Variants in MDGA2 observed in about 807,000 individuals in gnomAD.
MDGA2 encodes the protein MAM domain-containing glycosylphosphatidylinositol anchor protein 2.
In MDGA2, 40 loss-of-function variants were observed where a neutral mutation model predicts 117.8. The ratio of observed to expected loss-of-function variants is 0.34; its 90% CI spans 0.26 to 0.44. The LOEUF is 0.44. MDGA2 is among the 20% of genes least tolerant of loss of function. MDGA2 has a pLI of 1.00. For missense variants in MDGA2, 1,123 were observed against 1,250.6 expected (o/e 0.90, Z 1.54); for synonymous variants, 452 against 439.0 (o/e 1.03, Z -0.37).
chr14:47,084,627 T>C (rs1315900323), intron 6 of MDGA2, among the ~76,000 whole-genome samples: 3 of 152,082 alleles, frequency 2.0e-5, no homozygotes. Context: ...CCCTAACCCA[T>C]TTGTGATAGT....
At chr14:46,865,256 C>T (rs1275457127) in intron 14 of MDGA2, among the ~76,000 whole-genome samples, 1 of 151,750 alleles carries the variant, frequency 6.6e-6, no homozygotes, top group East Asian at 1.9e-4. Context: ...TGTTAGAAAG[C>T]ATTAATCCAT....
intron 1 of MDGA2, among the ~76,000 whole-genome samples, chr14:47,454,275 G>C (rs1455425612): frequency 6.6e-6 from 1 of 152,114 alleles, no homozygotes; most frequent in Non-Finnish European, 1.5e-5. Flanking sequence ...TCTTGTGACA[G>C]ACTTTCTCTT....
intron 6 of MDGA2, among the ~76,000 whole-genome samples, chr14:47,091,806 C>A (rs919525569): frequency 2.0e-5 from 3 of 152,056 alleles, no homozygotes; most frequent in Admixed American, 2.0e-4. Flanking sequence ...CAAGCTCCGT[C>A]CCATTTCCCG....
intron 1 of MDGA2, among the ~76,000 whole-genome samples, chr14:47,546,820 T>C (rs983907715): frequency 2.0e-5 from 3 of 152,180 alleles, no homozygotes; most frequent in Admixed American, 2.0e-4. Context: ...TTCCCTTTTT[T>C]ACCTTCAGTG....
At chr14:47,582,629 T>A (rs1896249695) in intron 1 of MDGA2, among the ~76,000 whole-genome samples, 1 of 151,874 alleles carries the variant, frequency 6.6e-6, no homozygotes, top group Non-Finnish European at 1.5e-5. Flanking sequence ...TACTTCTAAA[T>A]CAAATCACAT....
At chr14:47,418,179 T>A (rs529201708) in intron 1 of MDGA2, among the ~76,000 whole-genome samples, 3 of 152,108 alleles carry the variant, frequency 2.0e-5, no homozygotes, top group Admixed American at 2.0e-4. Context: ...CAGGTTCAAA[T>A]GATTCTCCTG....
At chr14:47,314,272 G>A (rs932319903) in intron 1 of MDGA2, among the ~76,000 whole-genome samples, 1 of 152,128 alleles carries the variant, frequency 6.6e-6, no homozygotes, top group Admixed American at 6.6e-5. Context: ...ATAGTGTGCT[G>A]GCCGCAGGTG....
At chr14:47,090,838 C>T (rs990192838) in intron 6 of MDGA2, among the ~76,000 whole-genome samples, 2 of 152,036 alleles carry the variant, frequency 1.3e-5, no homozygotes, top group African/African-American at 4.8e-5. Flanking sequence ...AGACAGACAG[C>T]CCTGAGGAGT....
chr14:47,666,774 A>G (rs1897979614), intron 1 of MDGA2, among the ~76,000 whole-genome samples: 1 of 151,920 alleles, frequency 6.6e-6, no homozygotes, highest in African/African-American at 2.4e-5. Context: ...GCTGTTGCTC[A>G]CTCTTTGGGT....
intron 2 of MDGA2, among the ~76,000 whole-genome samples, chr14:47,279,030 G>T (rs1019239909): frequency 1.3e-5 from 2 of 152,040 alleles, no homozygotes; most frequent in Non-Finnish European, 2.9e-5. Flanking sequence ...TGACAATTAG[G>T]TTGCTAGTAT....
At chr14:46,990,516 G>A (rs573809094) in intron 8 of MDGA2, among the ~76,000 whole-genome samples, 3 of 151,822 alleles carry the variant, frequency 2.0e-5, no homozygotes, top group Non-Finnish European at 4.4e-5. Flanking sequence ...ACAGGAAACA[G>A]GTAAAGAAAC....
chr14:47,252,225 C>T (rs925251202), intron 2 of MDGA2, among the ~76,000 whole-genome samples: 1 of 151,982 alleles, frequency 6.6e-6, no homozygotes, highest in African/African-American at 2.4e-5. Context: ...TTCATAAATA[C>T]TAGATTCTCA....
At chr14:47,158,318 T>C (rs1416722938) in intron 3 of MDGA2, among the ~76,000 whole-genome samples, 1 of 151,576 alleles carries the variant, frequency 6.6e-6, no homozygotes, top group African/African-American at 2.4e-5. Flanking sequence ...CATACAATAA[T>C]GAAATCATTT....
intron 9 of MDGA2, among the ~76,000 whole-genome samples, chr14:46,940,273 A>G (rs991148866): frequency 1.3e-5 from 2 of 152,186 alleles, no homozygotes; most frequent in African/African-American, 4.8e-5. Context: ...AGAATAATAA[A>G]TATACTATAA....
intron 8 of MDGA2, among the ~76,000 whole-genome samples, chr14:46,979,844 C>T (rs1398610396): frequency 6.6e-6 from 1 of 152,174 alleles, no homozygotes; most frequent in Non-Finnish European, 1.5e-5. Context: ...GTAGAAGCTG[C>T]AGCAAGTTAT....
chr14:47,237,043 C>G (rs1243652370), intron 2 of MDGA2, among the ~76,000 whole-genome samples: 2 of 152,090 alleles, frequency 1.3e-5, no homozygotes, highest in African/African-American at 4.8e-5. Flanking sequence ...ATAAAAATAG[C>G]TATTGCCTCC....
intron 14 of MDGA2, among the ~76,000 whole-genome samples, chr14:46,868,553 G>T (rs1158812749): frequency 6.6e-6 from 1 of 151,948 alleles, no homozygotes; most frequent in African/African-American, 2.4e-5. Flanking sequence ...ATATATCCTT[G>T]AGGTCCTGTT....
chr14:47,629,949 C>T (rs1169025130), intron 1 of MDGA2, among the ~76,000 whole-genome samples: 1 of 152,042 alleles, frequency 6.6e-6, no homozygotes. Flanking sequence ...CCAATAAGCA[C>T]CCAGGTGATA....
intron 3 of MDGA2, among the ~76,000 whole-genome samples, chr14:47,198,299 A>C (rs1219410939): frequency 6.6e-6 from 1 of 152,126 alleles, no homozygotes; most frequent in African/African-American, 2.4e-5. Flanking sequence ...AGGGCTGGAC[A>C]TGGTGGCTCA....
Sources: gnomAD v4.1 joint callset for allele counts (sites outside exome capture counted in the v4.1 genomes callset) on GRCh38, gnomAD v4.1.1 for gene constraint, MANE v1.5 for transcripts, NCBI Gene and HGNC (gene_info 2026-07-23, HGNC 2026-07-21) for gene names.